The following TTBK2 variants were observed in gnomAD, a reference collection of about 807,000 sequenced individuals.
TTBK2 encodes tau-tubulin kinase 2.
TTBK2 carries 28 observed loss-of-function variants against 110.8 expected under a neutral mutation model. That is an observed-to-expected ratio of 0.25 (90% CI 0.19 to 0.35). The LOEUF (loss-of-function observed/expected upper bound fraction) is 0.35. Among genes scored for constraint, TTBK2 ranks in the 10% least tolerant of loss-of-function variants. The pLI is 1.00. For missense variants in TTBK2, 1,369 were observed against 1,500.3 expected, an observed-to-expected ratio of 0.91 and a Z score of 1.45; for synonymous variants, 532 against 527.3, an observed-to-expected ratio of 1.01 and a Z score of -0.12.
At chr15:42,753,378 A>G (rs2061897285) in intron 13 of TTBK2, 131 bp from the exon 14 acceptor site, 1 of 929,156 alleles carries the variant, frequency 1.1e-6, no homozygotes, top group African/African-American at 1.7e-5. Flanking sequence ...TGCCCAACTT[A>G]TAAGAAAAAT....
intron 13 of TTBK2, among the ~76,000 whole-genome samples, chr15:42,762,565 A>T (rs900533928): frequency 1.3e-5 from 2 of 152,080 alleles, no homozygotes; most frequent in African/African-American, 4.8e-5. Context: ...AAAAATACAA[A>T]AATTAGCCAG....
At chr15:42,890,192 C>G (rs1258522076) in intron 1 of TTBK2, among the ~76,000 whole-genome samples, 2 of 152,178 alleles carry the variant, frequency 1.3e-5, no homozygotes, top group East Asian at 3.8e-4. Flanking sequence ...AAACATTGCT[C>G]CTAACTCCAC....
chr15:42,817,196 T>C (rs1263722250), intron 6 of TTBK2, 99 bp from the exon 7 acceptor site: 3 of 809,696 alleles, frequency 3.7e-6, no homozygotes, highest in South Asian at 2.3e-5. Flanking sequence ...ACGTCCTTTA[T>C]TGTCACAATA....
chr15:42,909,598 G>A (rs2030626571), intron 1 of TTBK2, among the ~76,000 whole-genome samples: 1 of 152,072 alleles, frequency 6.6e-6, no homozygotes, highest in South Asian at 2.1e-4. Flanking sequence ...ATTTTGGGGG[G>A]CCATTATTGC....
At chr15:42,780,353 T>C (rs183278470) in intron 11 of TTBK2, among the ~76,000 whole-genome samples, 26 of 151,518 alleles carry the variant, frequency 1.7e-4, no homozygotes, top group Admixed American at 3.9e-4. Flanking sequence ...TTTTCTTTTT[T>C]TTTTTTTAAA....
In TTBK2 at chr15:42,811,692, T is replaced by A; in HGVS notation, c.692A>T (p.Asp231Val). ...VGQLPWRKIK[D>V]KEQVGSIKER... The stretch of plus-strand genomic sequence containing the variant: ...CATCTCCATTCCCAAAATTACCTTG[T>A]CCTTTATTTTTCTCCAGGGCAGCTG... Residue 231 changes from aspartate (D) to valine (V), a missense_variant, in exon 8 of 15, where the codon GAC (aspartate) becomes GTC (valine). This residue lies in a region of TTBK2 where 138 missense variants were observed against 179.0 expected (regional missense o/e 0.77). Transcript: ENST00000267890. 1 of 1,613,340 alleles carries A rather than the reference T, an allele frequency of 6.2e-7. No homozygotes were observed. Among genetic ancestry groups the A allele is most frequent in the Non-Finnish European group, 8.5e-7 (1 of 1,179,512 alleles).
At chr15:42,861,065 C>T (rs1361943334) in intron 3 of TTBK2, among the ~76,000 whole-genome samples, 1 of 152,108 alleles carries the variant, frequency 6.6e-6, no homozygotes, top group African/African-American at 2.4e-5. Context: ...CTTAACTATC[C>T]TAAATACATA....
At chr15:42,905,508 C>T (rs930853802) in intron 1 of TTBK2, among the ~76,000 whole-genome samples, 2 of 151,978 alleles carry the variant, frequency 1.3e-5, no homozygotes, top group African/African-American at 2.4e-5. Flanking sequence ...CTTCCCAACT[C>T]GGCTTCCCAA....
Position 42,763,157 on chromosome 15 carries a change from CATATATATATATATAT to C in TTBK2, c.1999-9926_1999-9911del, listed in dbSNP as rs1567008803. On this transcript the variant is annotated intron_variant, in intron 13 of 14. Transcript: ENST00000267890. ...ATATATACATACATATATATATATA[CATATATATATATATAT>C]ATATATATATATATATATATTTTTT... Among the ~76,000 whole-genome samples, 138 of 20,462 alleles carry C rather than the reference CATATATATATATATAT, an allele frequency of 6.7e-3. 3 individuals carry two copies. The highest frequency in any genetic ancestry group is 0.062 in the Middle Eastern group (1 of 16). 13.4% of individuals were successfully genotyped at this position (20,462 alleles called of 152,430 possible).
chr15:42,919,170 T>C (rs1448633846), intron 1 of TTBK2, among the ~76,000 whole-genome samples: 1 of 152,224 alleles, frequency 6.6e-6, no homozygotes, highest in Non-Finnish European at 1.5e-5. Context: ...GTTTTCAATT[T>C]GCATAGATCA....
chr15:42,874,983 C>CAA (rs1361761708), intron 2 of TTBK2, among the ~76,000 whole-genome samples: 6 of 124,226 alleles, frequency 4.8e-5, no homozygotes, highest in African/African-American at 5.8e-5. Flanking sequence ...GAGACTGCCT[C>CAA]AAAAAAAAAA....
chr15:42,912,316 T>G (rs1025369316), intron 1 of TTBK2, among the ~76,000 whole-genome samples: 2 of 152,226 alleles, frequency 1.3e-5, no homozygotes, highest in African/African-American at 4.8e-5. Flanking sequence ...CCATCACTAT[T>G]ATCTCTCAGG....
At position 42,783,143 on chromosome 15, in the gene TTBK2, T is replaced by G. The variant is rs375916628; in HGVS notation, c.1197+276A>C. ...TGTTTGTGTCCCCCCAAAATTCACA[T>G]GTTGAAATTCTAACTCCCAATGTGA... On this transcript the variant is annotated intron_variant, in intron 11 of 14. Coordinates refer to ENST00000267890, the MANE Select transcript of TTBK2 (RefSeq NM_173500.4). Among the ~76,000 whole-genome samples, 5 of 152,148 alleles carry G rather than the reference T, an allele frequency of 3.3e-5. No individual in the cohort carries two copies. In the East Asian group the frequency reaches 9.6e-4, roughly 29 times the overall value.
chr15:42,770,193 T>C (rs999509043), intron 13 of TTBK2, among the ~76,000 whole-genome samples: 2 of 152,200 alleles, frequency 1.3e-5, no homozygotes, highest in East Asian at 1.9e-4. Flanking sequence ...CATGTATACC[T>C]ATGTAACAAA....
chr15:42,775,819 G>T, intron 12 of TTBK2, 96 bp from the exon 13 acceptor site: 1 of 968,324 alleles, frequency 1.0e-6, no homozygotes, highest in Non-Finnish European at 1.5e-6. Context: ...ACACAAAGAT[G>T]AGAGAAAAAA....
In TTBK2 at chr15:42,738,791, A is replaced by G. The variant is rs1164399239; in HGVS notation, c.*7004T>C. On this transcript the variant is annotated 3_prime_UTR_variant, in exon 15 of 15. Coordinates refer to ENST00000267890, the MANE Select transcript of TTBK2 (RefSeq NM_173500.4). ...TCTCCTAACTGCAGGGACACTTAAC[A>G]CCTAGCTTCTATTCAGTCCTGGGCT... The G allele has an allele frequency of 6.6e-6, 1 of 152,208 alleles. No homozygotes were observed. Among genetic ancestry groups the G allele is most frequent in the Non-Finnish European group, 1.5e-5 (1 of 68,036 alleles). The allele number at this position is 152,208 out of a possible 1,614,324, so 9.4% of individuals were successfully genotyped here. A position where few individuals can be genotyped will look rare whatever the true frequency, so the allele number is the denominator to read the frequency against.
intron 9 of TTBK2, among the ~76,000 whole-genome samples, chr15:42,797,167 G>A (rs187382206): frequency 6.8e-4 from 104 of 152,348 alleles, no homozygotes; most frequent in African/African-American, 2.4e-3. Flanking sequence ...TTCCTGGAAG[G>A]TGGAATCCCC....
At chr15:42,764,210 C>A (rs1216094213) in intron 13 of TTBK2, among the ~76,000 whole-genome samples, 3 of 152,200 alleles carry the variant, frequency 2.0e-5, no homozygotes, top group Non-Finnish European at 2.9e-5. Context: ...CAGGTGATTT[C>A]TGCATTTCCA....
chr15:42,912,540 C>T (rs964999286), intron 1 of TTBK2, among the ~76,000 whole-genome samples: 20 of 151,930 alleles, frequency 1.3e-4, no homozygotes, highest in Non-Finnish European at 1.5e-5. Flanking sequence ...GAAACCCCAT[C>T]TCTACTAAAA....
Sources: gnomAD v4.1 joint callset for allele counts (sites outside exome capture counted in the v4.1 genomes callset) on GRCh38, gnomAD v4.1.1 for gene constraint, gnomAD v4.1.1 regional missense constraint, MANE v1.5 for transcripts, NCBI Gene and HGNC (gene_info 2026-07-23, HGNC 2026-07-21) for gene names.